KLHL29: variants seen among roughly 807,000 people sequenced by gnomAD.
The protein encoded by KLHL29 is kelch like family member 29, also known as kelch-like protein 29.
KLHL29 carries 21 observed loss-of-function variants against 80.4 expected under a neutral mutation model. The ratio of observed to expected loss-of-function variants is 0.26; its 90% CI spans 0.19 to 0.38. KLHL29 has a LOEUF of 0.38. Among genes scored for constraint, KLHL29 ranks in the 10% least tolerant of loss-of-function variants. The pLI, the probability that KLHL29 is intolerant of heterozygous loss-of-function variation, is 1.00. For synonymous variants in KLHL29, 511 were observed against 526.8 expected, an observed-to-expected ratio of 0.97 and a Z score of 0.41; for missense variants, 867 against 1,223.9, an observed-to-expected ratio of 0.71 and a Z score of 4.35.
intron 2 of KLHL29, among the ~76,000 whole-genome samples, chr2:23,486,172 G>A (rs1664928332): frequency 6.6e-6 from 1 of 152,124 alleles, no homozygotes; most frequent in South Asian, 2.1e-4. Context: ...GTTCTCCATA[G>A]GCCACAGCAG....
At chr2:23,559,324 T>C (rs1251496485) in intron 2 of KLHL29, among the ~76,000 whole-genome samples, 2 of 152,056 alleles carry the variant, frequency 1.3e-5, no homozygotes, top group African/African-American at 4.8e-5. Flanking sequence ...AACCTTATAT[T>C]GATGGACAGG....
At position 23,681,551 on chromosome 2, in the gene KLHL29, A is replaced by G. The variant is rs1364228442; in HGVS notation, c.941-2848A>G. ...TGTTGTGTTTTCCAGGCCCCTAAGCACTGATTAACTCAGCAGGCATGTGGG... is the reference window on the plus strand; with the variant it reads ...TGTTGTGTTTTCCAGGCCCCTAAGCGCTGATTAACTCAGCAGGCATGTGGG... On this transcript the variant is annotated intron_variant, in intron 5 of 13. Transcript: ENST00000486442. This position sits in a 1 kb window ranked among gnomAD's most constrained non-coding sequence, Gnocchi z 4.2. Among the ~76,000 whole-genome samples the G allele has an allele frequency of 6.6e-6, 1 of 152,160 alleles. No homozygotes were observed. Among genetic ancestry groups the G allele is most frequent in the Non-Finnish European group, 1.5e-5 (1 of 68,010 alleles).
intron 2 of KLHL29, among the ~76,000 whole-genome samples, chr2:23,543,163 A>G (rs1249213809): frequency 6.6e-6 from 1 of 152,118 alleles, no homozygotes. Flanking sequence ...AAGAGAGATG[A>G]AGAAGACATC....
chr2:23,604,535 G>C (rs1444166451), intron 3 of KLHL29, among the ~76,000 whole-genome samples: 8 of 152,234 alleles, frequency 5.3e-5, no homozygotes, highest in Admixed American at 3.3e-4. Context: ...CTGGGAGACA[G>C]CATTCCCTCC....
At chr2:23,524,151 C>T (rs1315486765) in intron 2 of KLHL29, 4 of 421,968 alleles carry the variant, frequency 9.5e-6, no homozygotes, top group Non-Finnish European at 1.5e-5. Context: ...GAAAAGGAAG[C>T]CGATGCTGGA....
At chr2:23,455,001 T>G (rs1276414894) in intron 1 of KLHL29, among the ~76,000 whole-genome samples, 28 of 126,938 alleles carry the variant, frequency 2.2e-4, no homozygotes, top group Non-Finnish European at 2.8e-4. Flanking sequence ...AACAGTGGGT[T>G]GGGGGGGGGG....
At position 23,520,335 on chromosome 2, in the gene KLHL29, C is replaced by T. The variant is rs567442020; in HGVS notation, c.-45-41817C>T. Among the ~76,000 whole-genome samples, 136 of 152,346 alleles carry T rather than the reference C, an allele frequency of 8.9e-4. 1 individual carries two copies. The Middle Eastern group carries it at 0.017, about 19-fold the overall frequency. On this transcript the variant is annotated intron_variant, in intron 2 of 13. Transcript: ENST00000486442. Reference sequence around the variant, plus strand: ...CTAAGCCTTCCAGGGCCTCAGGTGCCTGATCTGCACCCAGGGAGGGCTGGA... The same window carrying T: ...CTAAGCCTTCCAGGGCCTCAGGTGCTTGATCTGCACCCAGGGAGGGCTGGA...
intron 2 of KLHL29, among the ~76,000 whole-genome samples, chr2:23,521,000 C>G (rs1016063788): frequency 1.1e-4 from 16 of 151,822 alleles, no homozygotes; most frequent in East Asian, 7.7e-4. Context: ...CCACCCCCCC[C>G]CCCGCTCCCC....
intron 1 of KLHL29, among the ~76,000 whole-genome samples, chr2:23,468,971 G>A (rs922627315): frequency 2.6e-5 from 4 of 152,232 alleles, no homozygotes; most frequent in African/African-American, 9.6e-5. Flanking sequence ...CAGGCCCCTG[G>A]GGCCCTCCTG....
chr2:23,419,702 G>A (rs11125022), intron 1 of KLHL29, among the ~76,000 whole-genome samples: 37,975 of 152,076 alleles, frequency 0.25, 5,402 homozygotes, highest in South Asian at 0.4. Flanking sequence ...TCTGGCATTG[G>A]GCTCAGTGCT....
At chr2:23,540,995 C>G (rs1435313221) in intron 2 of KLHL29, among the ~76,000 whole-genome samples, 1 of 152,178 alleles carries the variant, frequency 6.6e-6, no homozygotes, top group Non-Finnish European at 1.5e-5. Context: ...ATTTGCCTGG[C>G]CTGGTCACGT....
intron 5 of KLHL29, among the ~76,000 whole-genome samples, chr2:23,665,201 G>A (rs550394342): frequency 6.6e-6 from 1 of 152,326 alleles, no homozygotes; most frequent in Non-Finnish European, 1.5e-5. Flanking sequence ...GACACCACAT[G>A]GCAGATTTCT....
intron 2 of KLHL29, among the ~76,000 whole-genome samples, chr2:23,555,214 T>C (rs1342410360): frequency 2.0e-5 from 3 of 151,980 alleles, no homozygotes; most frequent in African/African-American, 7.3e-5. Context: ...TCGGGAGCTG[T>C]GCATGTTTGC....
At chr2:23,417,794 G>A (rs1662627503) in intron 1 of KLHL29, among the ~76,000 whole-genome samples, 1 of 152,124 alleles carries the variant, frequency 6.6e-6, no homozygotes, top group South Asian at 2.1e-4. Flanking sequence ...CCGTGGGCTT[G>A]TTCAGCCTGG....
In KLHL29 at chr2:23,695,177, T is replaced by C. The variant is rs776495397; in HGVS notation, c.1543-446T>C. ...CCACGGCTGAGACTTACAAGCTCAA[T>C]AGTCGCCATCTCCTTGAAGCTTTCC... is the stretch of plus-strand genomic sequence containing the variant. On this transcript the variant is annotated intron_variant, in intron 8 of 13. Transcript: ENST00000486442. This position sits in a 1 kb window ranked among gnomAD's most constrained non-coding sequence, Gnocchi z 7.6. 3.9e-5 allele frequency among the ~76,000 whole-genome samples: 6 copies of C among 152,102 alleles called. No homozygotes were observed. The highest frequency in any genetic ancestry group is 1.2e-4 in the African/African-American group (5 of 41,402).
chr2:23,630,442 A>G (rs148045062), intron 3 of KLHL29, among the ~76,000 whole-genome samples: 33 of 151,854 alleles, frequency 2.2e-4, no homozygotes, highest in African/African-American at 7.5e-4. Flanking sequence ...AAAATAGTAG[A>G]CCCGGGTTAG....
At chr2:23,690,733 T>G (rs76886489) in intron 6 of KLHL29, 7,496 of 152,354 alleles carry the variant, frequency 0.049, 257 homozygotes, top group Middle Eastern at 0.078. Flanking sequence ...CACTTATGTA[T>G]CAGTGTCACT....
chr2:23,442,794 C>T (rs1220465381), intron 1 of KLHL29, among the ~76,000 whole-genome samples: 2 of 152,180 alleles, frequency 1.3e-5, no homozygotes, highest in Non-Finnish European at 2.9e-5. Flanking sequence ...ATCTAGGAGC[C>T]ATGTTTGGTT....
At chr2:23,431,493 C>G (rs879719009) in intron 1 of KLHL29, among the ~76,000 whole-genome samples, 1 of 152,374 alleles carries the variant, frequency 6.6e-6, no homozygotes, top group East Asian at 1.9e-4. Context: ...ACAGGCTCCT[C>G]GCCAGCCCTG....
Sources: allele counts gnomAD v4.1 joint callset (sites outside exome capture counted in the v4.1 genomes callset), GRCh38; gene constraint gnomAD v4.1.1; non-coding constraint Gnocchi (gnomAD v3.1); transcripts MANE v1.5; gene names NCBI Gene and HGNC (gene_info 2026-07-23, HGNC 2026-07-21).